The following LRRC4C variants were observed in gnomAD, a reference collection of about 807,000 sequenced individuals.
LRRC4C encodes the protein leucine rich repeat containing 4C.
Under a neutral mutation model 33.6 loss-of-function variants are expected in LRRC4C, and 5 were observed. That is an observed-to-expected ratio of 0.15 (90% confidence interval 0.08 to 0.31). The LOEUF (loss-of-function observed/expected upper bound fraction) is 0.31. Ranked by LOEUF, LRRC4C falls within the 10% of genes least tolerant of loss-of-function variation. The pLI, the probability that LRRC4C is intolerant of heterozygous loss-of-function variation, is 1.00. For missense variants in LRRC4C, 560 were observed against 796.7 expected (o/e 0.70, Z 3.58); for synonymous variants, 329 against 302.0 (o/e 1.09, Z -0.93).
At chr11:40,980,036 T>C (rs1425806274) in intron 1 of LRRC4C, among the ~76,000 whole-genome samples, 1 of 152,194 alleles carries the variant, frequency 6.6e-6, no homozygotes, top group Non-Finnish European at 1.5e-5. Context: ...CCCATCTGGT[T>C]GAAATGAAAG....
intron 2 of LRRC4C, among the ~76,000 whole-genome samples, chr11:40,869,631 C>T (rs770686956): frequency 1.3e-5 from 2 of 152,048 alleles, no homozygotes; most frequent in East Asian, 3.9e-4. Context: ...TTCAAGTAAG[C>T]GTGTTTACAG....
intron 1 of LRRC4C, among the ~76,000 whole-genome samples, chr11:40,964,307 A>G (rs992440807): frequency 6.6e-6 from 1 of 151,792 alleles, no homozygotes; most frequent in Non-Finnish European, 1.5e-5. Context: ...AAACAAAACA[A>G]ATAAAGCAAA....
chr11:40,975,015 C>G (rs1278151660), intron 1 of LRRC4C, among the ~76,000 whole-genome samples: 2 of 152,182 alleles, frequency 1.3e-5, no homozygotes, highest in African/African-American at 4.8e-5. Flanking sequence ...ACCAGCATCC[C>G]AGGGTCTCCA....
At chr11:41,095,903 A>G (rs1277257866) in intron 1 of LRRC4C, among the ~76,000 whole-genome samples, 1 of 152,192 alleles carries the variant, frequency 6.6e-6, no homozygotes, top group African/African-American at 2.4e-5. Context: ...TTTTGCGCCT[A>G]AAACCCAAAC....
intron 3 of LRRC4C, among the ~76,000 whole-genome samples, chr11:40,440,085 G>C (rs1013855623): frequency 6.6e-6 from 1 of 152,158 alleles, no homozygotes; most frequent in Non-Finnish European, 1.5e-5. Context: ...TATTTACTGT[G>C]TGGATCTTTA....
chr11:40,871,562 C>T, intron 2 of LRRC4C, among the ~76,000 whole-genome samples: 1 of 152,246 alleles, frequency 6.6e-6, no homozygotes, highest in East Asian at 1.9e-4. Flanking sequence ...TGAATGATTA[C>T]ATATCAGGGA....
chr11:40,395,029 C>A (rs184934326), intron 3 of LRRC4C, among the ~76,000 whole-genome samples: 1 of 152,026 alleles, frequency 6.6e-6, no homozygotes, highest in African/African-American at 2.4e-5. Flanking sequence ...AGACTGTGAT[C>A]AAGTCTATAA....
Position 40,451,504 on chromosome 11 carries a change from G to A in LRRC4C, c.-269-131783C>T, listed in dbSNP as rs1000254930. ...GGGTTCAAGTAATTCTCCTGCCTCA[G>A]CCTCCTGAGTAGCTGGGACTACAGG... On this transcript the variant is annotated intron_variant, in intron 3 of 6. Transcript: ENST00000528697. Among the ~76,000 whole-genome samples the A allele has an allele frequency of 5.5e-5, 8 of 145,684 alleles. No homozygotes were observed. The East Asian group carries it at 1.7e-3, about 31-fold the overall frequency.
chr11:40,781,540 C>T (rs1304526546), intron 2 of LRRC4C, among the ~76,000 whole-genome samples: 1 of 152,080 alleles, frequency 6.6e-6, no homozygotes, highest in African/African-American at 2.4e-5. Flanking sequence ...CTATGCCTCA[C>T]CTTGAACTTA....
intron 2 of LRRC4C, among the ~76,000 whole-genome samples, chr11:40,919,961 A>T (rs142696653): frequency 5.4e-4 from 82 of 152,266 alleles, no homozygotes; most frequent in African/African-American, 1.9e-3. Context: ...TATGTGTATA[A>T]TCTACCTTTA....
At chr11:41,413,800 C>T (rs949188472) in intron 1 of LRRC4C, among the ~76,000 whole-genome samples, 1 of 152,180 alleles carries the variant, frequency 6.6e-6, no homozygotes, top group African/African-American at 2.4e-5. Flanking sequence ...GGTGTTGTCA[C>T]TTAACAGATG....
At chr11:40,695,887 T>G (rs1483686968) in intron 2 of LRRC4C, among the ~76,000 whole-genome samples, 2 of 151,970 alleles carry the variant, frequency 1.3e-5, no homozygotes, top group East Asian at 3.9e-4. Context: ...CACATCTTCA[T>G]AGTCTTTTTT....
Position 41,203,782 on chromosome 11 carries a change from G to A in LRRC4C, c.-496+255649C>T, listed in dbSNP as rs918344467. Among the ~76,000 whole-genome samples the A allele has an allele frequency of 3.3e-5, 5 of 152,100 alleles. No individual in the cohort carries two copies. In the South Asian group the frequency reaches 8.3e-4, roughly 25 times the overall value. Reference sequence around the variant, plus strand: ...TTTAGAATGGTTTGGAATAAAGTAAGCAATCAAAGTTTAATATCAGTGTTA... The same window carrying A: ...TTTAGAATGGTTTGGAATAAAGTAAACAATCAAAGTTTAATATCAGTGTTA... On this transcript the variant is annotated intron_variant, in intron 1 of 6. Coordinates refer to ENST00000528697, the MANE Select transcript of LRRC4C (RefSeq NM_001258419.2).
chr11:41,119,271 C>A (rs1363469218), intron 1 of LRRC4C, among the ~76,000 whole-genome samples: 2 of 152,078 alleles, frequency 1.3e-5, no homozygotes, highest in African/African-American at 4.8e-5. Flanking sequence ...GAGATAGCTA[C>A]TGCAATCATC....
intron 2 of LRRC4C, among the ~76,000 whole-genome samples, chr11:40,897,207 AG>A (rs568996485): frequency 8.2e-4 from 125 of 152,352 alleles, no homozygotes; most frequent in African/African-American, 2.9e-3. Flanking sequence ...AAGAATACTC[AG>A]TATCCTTAGA....
intron 1 of LRRC4C, among the ~76,000 whole-genome samples, chr11:41,043,885 C>A (rs543219688): frequency 5.3e-5 from 8 of 152,100 alleles, no homozygotes; most frequent in Admixed American, 5.2e-4. Context: ...CTGAACTCCA[C>A]AACCACCAAG....
At chr11:41,306,032 AAAAAAAAAG>A (rs1565567032) in intron 1 of LRRC4C, among the ~76,000 whole-genome samples, 1 of 110,966 alleles carries the variant, frequency 9.0e-6, no homozygotes, top group African/African-American at 2.9e-5. Context: ...AAAAAAAAAA[AAAAAAAAAG>A]AAAGAAAAAT....
At chr11:40,687,409 G>C (rs569195098) in intron 2 of LRRC4C, among the ~76,000 whole-genome samples, 1 of 152,156 alleles carries the variant, frequency 6.6e-6, no homozygotes, top group South Asian at 2.1e-4. Context: ...CTATTAGATA[G>C]ATAGATAGAT....
chr11:41,251,793 A>T (rs1948647760), intron 1 of LRRC4C, among the ~76,000 whole-genome samples: 1 of 152,216 alleles, frequency 6.6e-6, no homozygotes, highest in Non-Finnish European at 1.5e-5. Context: ...GCTTTACCAT[A>T]TGATGATAAA....
Sources: allele counts gnomAD v4.1 joint callset (sites outside exome capture counted in the v4.1 genomes callset), GRCh38; gene constraint gnomAD v4.1.1; transcripts MANE v1.5; gene names NCBI Gene and HGNC (gene_info 2026-07-23, HGNC 2026-07-21).